GALNT16: variants seen among roughly 807,000 people sequenced by gnomAD.
The protein encoded by GALNT16 is UDP-GalNAc:polypeptide N-acetylgalactosaminyltransferase-like protein 1.
Under a neutral mutation model 76.1 loss-of-function variants are expected in GALNT16, and 40 were observed. The observed-to-expected ratio is 0.53, with a 90% CI of 0.41 to 0.68. The LOEUF is 0.68. Ranked by LOEUF, GALNT16 falls within the 30% of genes least tolerant of loss-of-function variation. The pLI is 0.00. For missense variants in GALNT16, 621 were observed against 731.9 expected (o/e 0.85, Z 1.75); for synonymous variants, 276 against 285.2 (o/e 0.97, Z 0.32).
downstream of GALNT16, among the ~76,000 whole-genome samples, chr14:69,360,465 T>C (rs186528138): frequency 6.6e-6 from 1 of 151,646 alleles, no homozygotes; most frequent in East Asian, 2.0e-4. Flanking sequence ...ACATCTCTAC[T>C]AAAAATACAA....
rs1169309901 is a variant in GALNT16 at position 69,320,867 on chromosome 14, AG to A, written c.335+1del. The A allele has an allele frequency of 4.3e-6, 7 of 1,613,464 alleles. No homozygotes were observed. Among genetic ancestry groups the A allele is most frequent in the Non-Finnish European group, 5.9e-6 (7 of 1,179,680 alleles). Reference sequence around the variant, plus strand: ...GCCCATCCGGGACACCCGCCATTACAGGTACGGCCTCCATCGTGTCAGTGGA... The same window carrying A: ...GCCCATCCGGGACACCCGCCATTACAGTACGGCCTCCATCGTGTCAGTGGA... Reference protein sequence around the residue: ...DRPIRDTRHYSCPSVSYSSDL... With the variant: ...DRPIRDTRHYXCPSVSYSSDL... On this transcript the variant is annotated frameshift_variant and splice_region_variant, in exon 2 of 15. Transcript: ENST00000448469. LOFTEE classifies it high-confidence loss of function.
intron 2 of GALNT16, among the ~76,000 whole-genome samples, chr14:69,324,353 G>C (rs1470117125): frequency 6.6e-6 from 1 of 152,132 alleles, no homozygotes; most frequent in African/African-American, 2.4e-5. Flanking sequence ...ATACGACAGA[G>C]TGTGGTCAGG....
chr14:69,297,155 TA>T (rs945527437), intron 1 of GALNT16, among the ~76,000 whole-genome samples: 1 of 152,246 alleles, frequency 6.6e-6, no homozygotes, highest in Non-Finnish European at 1.5e-5. Flanking sequence ...ATATATTTCC[TA>T]AAAAGGAATT....
chr14:69,304,733 T>C (rs1289195418), intron 1 of GALNT16, among the ~76,000 whole-genome samples: 1 of 152,236 alleles, frequency 6.6e-6, no homozygotes, highest in Non-Finnish European at 1.5e-5. Context: ...TTTGTCTTTC[T>C]GGGACTGGCT....
At chr14:69,372,293 G>C in the GALNT16 span, among the ~76,000 whole-genome samples, 1 of 151,970 alleles carries the variant, frequency 6.6e-6, no homozygotes, top group Non-Finnish European at 1.5e-5. Flanking sequence ...AGGCTCTTGG[G>C]GCAACATACT....
downstream of GALNT16, among the ~76,000 whole-genome samples, chr14:69,361,754 C>G (rs1319694203): frequency 6.6e-6 from 1 of 152,134 alleles, no homozygotes; most frequent in Non-Finnish European, 1.5e-5. Context: ...CACCTGTAAT[C>G]CCAGCACTTT....
At chr14:69,293,243 T>C (rs2044710938) in intron 1 of GALNT16, among the ~76,000 whole-genome samples, 1 of 152,234 alleles carries the variant, frequency 6.6e-6, no homozygotes, top group Admixed American at 6.5e-5. Context: ...GCCTCACTGC[T>C]GCAAAGAAAC....
chr14:69,274,398 A>G (rs1388823890), intron 1 of GALNT16, among the ~76,000 whole-genome samples: 1 of 152,176 alleles, frequency 6.6e-6, no homozygotes, highest in Non-Finnish European at 1.5e-5. Flanking sequence ...GGGTCAAGGA[A>G]TTTGGGAGTG....
chr14:69,311,596 T>A (rs191281300), intron 1 of GALNT16, among the ~76,000 whole-genome samples: 1 of 152,342 alleles, frequency 6.6e-6, no homozygotes, highest in Non-Finnish European at 1.5e-5. Flanking sequence ...TGGACATTAT[T>A]GTGAGAGTAT....
chr14:69,329,895 C>A (rs1387089793), intron 6 of GALNT16, among the ~76,000 whole-genome samples: 1 of 152,124 alleles, frequency 6.6e-6, no homozygotes, highest in Non-Finnish European at 1.5e-5. Context: ...CCTAACTAGG[C>A]CCCATCTCCA....
At chr14:69,266,810 C>T (rs1311759458) in intron 1 of GALNT16, among the ~76,000 whole-genome samples, 2 of 152,202 alleles carry the variant, frequency 1.3e-5, no homozygotes, top group Non-Finnish European at 2.9e-5. Flanking sequence ...TGCACTGAGG[C>T]CAGCCCAGGA....
chr14:69,316,703 G>C (rs1313449556), intron 1 of GALNT16, among the ~76,000 whole-genome samples: 3 of 143,376 alleles, frequency 2.1e-5, no homozygotes, highest in African/African-American at 7.9e-5. Flanking sequence ...AGCAGTGGAA[G>C]CAAGTTCAGC....
rs557564818 is a variant in GALNT16, at chr14:69,338,074, C to G, written c.968-577C>G. 8.5e-5 allele frequency among the ~76,000 whole-genome samples: 13 copies of G among 152,302 alleles called. No homozygotes were observed. The South Asian group carries it at 2.5e-3, about 29-fold the overall frequency. ...CTGCTCTCCCGACACCACTGGGGAC[C>G]ACAGTCATCCACAAAAGCTGGTTCA... On this transcript the variant is annotated intron_variant, in intron 9 of 14. Coordinates refer to ENST00000448469, the MANE Select transcript of GALNT16 (RefSeq NM_001168368.2).
chr14:69,367,108 C>T, the GALNT16 span, among the ~76,000 whole-genome samples: 1 of 152,006 alleles, frequency 6.6e-6, no homozygotes, highest in African/African-American at 2.4e-5. Context: ...TGTGGAATCG[C>T]AAGAAGTGTG....
chr14:69,339,696 TA>T (rs773685774), intron 11 of GALNT16, 77 bp downstream of exon 11: 8 of 913,708 alleles, frequency 8.8e-6, no homozygotes, highest in Admixed American at 2.4e-5. Context: ...AAGTGGTATG[TA>T]CGCCAGGGAA....
At chr14:69,375,444 A>T in the GALNT16 span, among the ~76,000 whole-genome samples, 1 of 152,010 alleles carries the variant, frequency 6.6e-6, no homozygotes, top group Non-Finnish European at 1.5e-5. Flanking sequence ...TTTGTTATCT[A>T]TTTTCCCACC....
Position 69,328,582 on chromosome 14 carries a change from G to A in GALNT16, c.690+11G>A. On this transcript the variant is annotated intron_variant, in intron 6 of 14. Transcript: ENST00000448469. ...CAGCGGGTGAAGGAGGTGAGCCACT[G>A]TCTCTGGGGAGCTGGGCGTCCTTGG... 6.2e-7 allele frequency: 1 copy of A among 1,610,538 alleles called. No individual in the cohort carries two copies.
At chr14:69,291,429 GGTGGCTTCCA>G (rs1367872403) in intron 1 of GALNT16, among the ~76,000 whole-genome samples, 1 of 152,156 alleles carries the variant, frequency 6.6e-6, no homozygotes, top group Non-Finnish European at 1.5e-5. Flanking sequence ...CTCTAGGCTG[GGTGGCTTCCA>G]GTAGACCAGC....
At chr14:69,329,424 A>G (rs1467218184) in intron 6 of GALNT16, among the ~76,000 whole-genome samples, 1 of 152,188 alleles carries the variant, frequency 6.6e-6, no homozygotes, top group Non-Finnish European at 1.5e-5. Flanking sequence ...ATGGCCAATA[A>G]GCCTAGGAAA....
Sources: allele counts gnomAD v4.1 joint callset (sites outside exome capture counted in the v4.1 genomes callset), GRCh38; gene constraint gnomAD v4.1.1; transcripts MANE v1.5; gene names NCBI Gene and HGNC (gene_info 2026-07-23, HGNC 2026-07-21).